ACADM: variants seen among roughly 807,000 people sequenced by gnomAD.
ACADM encodes the protein acyl-CoA dehydrogenase medium chain.
Under a neutral mutation model 58.9 loss-of-function variants are expected in ACADM, and 49 were observed. The observed-to-expected ratio is 0.83, with a 90% CI of 0.66 to 1.06. The LOEUF (loss-of-function observed/expected upper bound fraction) is 1.06, where lower values mean the gene tolerates loss of function less well. Among genes scored for constraint, ACADM ranks in the 50% least tolerant of loss-of-function variants. ACADM has a pLI of 0.00. For missense variants in ACADM, 496 were observed against 507.0 expected, an observed-to-expected ratio of 0.98 and a Z score of 0.21; for synonymous variants, 160 against 157.7, an observed-to-expected ratio of 1.01 and a Z score of -0.11.
At chr1:75,726,234 C>T (rs1365438707) in intron 1 of ACADM, among the ~76,000 whole-genome samples, 2 of 152,000 alleles carry the variant, frequency 1.3e-5, no homozygotes, top group Non-Finnish European at 2.9e-5. Flanking sequence ...GCAGGGAAAC[C>T]CTGTCTTTAC....
chr1:75,735,013 A>G (rs1441595525), intron 6 of ACADM, 142 bp downstream of exon 6: 1 of 721,184 alleles, frequency 1.4e-6, no homozygotes, highest in Non-Finnish European at 2.4e-6. Flanking sequence ...TGATGTGTCA[A>G]GGATGCCAAG....
chr1:75,733,958 G>T (rs1647194051), intron 5 of ACADM, among the ~76,000 whole-genome samples: 1 of 152,064 alleles, frequency 6.6e-6, no homozygotes, highest in African/African-American at 2.4e-5. Context: ...AGCAGGATTG[G>T]GATGGTTTGC....
chr1:75,750,985 C>G, intron 10 of ACADM: 1 of 252,868 alleles, frequency 4.0e-6, no homozygotes, highest in South Asian at 4.9e-5. Context: ...CCCGCCTCAG[C>G]CTCCCATAGT....
At chr1:75,744,370 C>T in intron 7 of ACADM, 1 of 1,572,524 alleles carries the variant, frequency 6.4e-7, no homozygotes, top group South Asian at 1.1e-5. Context: ...CGGAGTGCCT[C>T]CTTCGACTTT....
chr1:75,761,059 C>G, intron 10 of ACADM, 63 bp from the exon 11 acceptor site: 17 of 1,504,072 alleles, frequency 1.1e-5, no homozygotes, highest in Non-Finnish European at 1.5e-5. Flanking sequence ...TGAAAAAGCC[C>G]CAGGAAAAAA....
Position 75,724,763 on chromosome 1 carries a change from C to A in ACADM, c.-25C>A. 1 of 1,531,616 alleles carries A rather than the reference C, an allele frequency of 6.5e-7. No individual in the cohort carries two copies. Among genetic ancestry groups the A allele is most frequent in the South Asian group, 1.2e-5 (1 of 81,272 alleles). The allele number at this position is 1,531,616 out of a possible 1,614,324, so 94.9% of individuals were successfully genotyped here. A position where few individuals can be genotyped will look rare whatever the true frequency, so the allele number is the denominator to read the frequency against. On this transcript the variant is annotated 5_prime_UTR_variant, in exon 1 of 12. Transcript: ENST00000370841. ...AAGGCCGTGACCCGTGTATTATTGT[C>A]CGAGTGGCCGGAACGGGAGCCAACA...
At chr1:75,735,616 T>C (rs190011236) in intron 6 of ACADM, among the ~76,000 whole-genome samples, 4 of 151,126 alleles carry the variant, frequency 2.6e-5, no homozygotes, top group Non-Finnish European at 1.5e-5. Flanking sequence ...ACTTTGAGAG[T>C]CTGAGGCAGG....
intron 10 of ACADM, chr1:75,750,810 A>G (rs1648159481): frequency 5.2e-5 from 25 of 482,456 alleles, no homozygotes; most frequent in Admixed American, 1.0e-4. Context: ...GTGCAGTGGC[A>G]CAATCTCGGT....
intron 2 of ACADM, 141 bp from the exon 3 acceptor site, chr1:75,732,503 G>A (rs1647163745): frequency 9.5e-6 from 7 of 736,148 alleles, no homozygotes; most frequent in Admixed American, 8.4e-5. Flanking sequence ...CTCTTGATTA[G>A]TCAAAAAATG....
At chr1:75,726,699 T>C (rs978566116) in intron 1 of ACADM, among the ~76,000 whole-genome samples, 2 of 152,142 alleles carry the variant, frequency 1.3e-5, no homozygotes, top group Non-Finnish European at 2.9e-5. Context: ...AATCCTAGAC[T>C]TGACCTGGGA....
At chr1:75,729,803 AT>A (rs1475872078) in intron 2 of ACADM, among the ~76,000 whole-genome samples, 1 of 149,418 alleles carries the variant, frequency 6.7e-6, no homozygotes, top group Non-Finnish European at 1.5e-5. Flanking sequence ...CTAAATGAAA[AT>A]TTTTTTTCTT....
rs926780516 is a variant in ACADM, at chr1:75,751,401, T to C, written c.945+855T>C. On this transcript the variant is annotated intron_variant, in intron 10 of 11. Coordinates refer to ENST00000370841, the MANE Select transcript of ACADM (RefSeq NM_000016.6). ...AGTAACCCTTTTTTGGGTGGTGTTA[T>C]CTCTTTTAAGGATCAAGAAACTGAA... 3.3e-5 allele frequency among the ~76,000 whole-genome samples: 5 copies of C among 151,934 alleles called. No individual in the cohort carries two copies. In the East Asian group the frequency reaches 5.8e-4, roughly 18 times the overall value.
In ACADM at chr1:75,724,720, G is replaced by C; in HGVS notation, c.-68G>C. The C allele has an allele frequency of 1.3e-6, 2 of 1,531,034 alleles. No homozygotes were observed. Among genetic ancestry groups the C allele is most frequent in the Non-Finnish European group, 1.8e-6 (2 of 1,134,678 alleles). The allele number at this position is 1,531,034 out of a possible 1,614,324, so 94.8% of individuals were successfully genotyped here. A position where few individuals can be genotyped will look rare whatever the true frequency, so the allele number is the denominator to read the frequency against. ...CAGTGGGCGGGACCAGAGGAGTCCC[G>C]CGTTCGGGGAGTATGTCAAGGCCGT... On this transcript the variant is annotated 5_prime_UTR_variant, in exon 1 of 12. Coordinates refer to ENST00000370841, the MANE Select transcript of ACADM (RefSeq NM_000016.6).
Position 75,732,730 on chromosome 1 carries a change from A to T in ACADM, c.205A>T (p.Lys69Ter), listed in dbSNP as rs770408876. 6.2e-7 allele frequency: 1 copy of T among 1,613,458 alleles called. No individual in the cohort carries two copies. Among genetic ancestry groups the T allele is most frequent in the African/African-American group, 1.3e-5 (1 of 74,926 alleles). ...CATCCCAGTGGCTGCAGAATATGAT[A>T]AAACTGGTGAAGTAGGTATATACAT... ...EIIPVAAEYD[K>*]TGEYPVPLIR... The change falls in exon 3 of 12, where the codon AAA becomes TAA. Residue 69 changes from lysine to a stop codon, truncating the protein, a stop_gained. Coordinates refer to ENST00000370841, the MANE Select transcript of ACADM (RefSeq NM_000016.6). LOFTEE classifies it high-confidence loss of function.
intron 6 of ACADM, 74 bp downstream of exon 6, chr1:75,734,945 A>G (rs904266536): frequency 5.5e-6 from 6 of 1,081,988 alleles, no homozygotes; most frequent in South Asian, 3.9e-5. Context: ...TTTTCAGTCT[A>G]TATGTATATA....
At chr1:75,756,735 AAAG>A (rs1335848248) in intron 10 of ACADM, among the ~76,000 whole-genome samples, 2 of 152,236 alleles carry the variant, frequency 1.3e-5, no homozygotes, top group Non-Finnish European at 2.9e-5. Context: ...TGGAACCAAA[AAAG>A]CCCACATTGC....
At position 75,734,183 on chromosome 1, in the gene ACADM, A is replaced by ATTTTTTTT. The variant is rs1647198640; in HGVS notation, c.387+555_387+556insTTTTTTTT. ...GTATTTTTTTTTTTTTTTTTTTTTGAGACGGAGTCTCACTCTGTTGCCCAG... is the reference window on the plus strand; with the variant it reads ...GTATTTTTTTTTTTTTTTTTTTTTGATTTTTTTTGACGGAGTCTCACTCTGTTGCCCAG... On this transcript the variant is annotated intron_variant, in intron 5 of 11. Coordinates refer to ENST00000370841, the MANE Select transcript of ACADM (RefSeq NM_000016.6). Among the ~76,000 whole-genome samples, 11 of 68,788 alleles carry ATTTTTTTT rather than the reference A, an allele frequency of 1.6e-4. 1 individual carries two copies. The highest frequency in any genetic ancestry group is 5.9e-4 in the African/African-American group (9 of 15,294). 45.1% of individuals were successfully genotyped at this position (68,788 alleles called of 152,430 possible).
intron 10 of ACADM, among the ~76,000 whole-genome samples, chr1:75,758,487 C>A (rs986567582): frequency 3.9e-5 from 6 of 152,192 alleles, no homozygotes; most frequent in African/African-American, 1.4e-4. Flanking sequence ...CCTCTGGAAG[C>A]TCTCCAAACC....
At chr1:75,748,125 A>AGTTATGTC (rs1299625147) in intron 8 of ACADM, among the ~76,000 whole-genome samples, 2 of 152,132 alleles carry the variant, frequency 1.3e-5, no homozygotes, top group East Asian at 3.9e-4. Flanking sequence ...CCTTATTAAG[A>AGTTATGTC]GTTATGTCTG....
Sources: allele counts gnomAD v4.1 joint callset (sites outside exome capture counted in the v4.1 genomes callset), GRCh38; gene constraint gnomAD v4.1.1; transcripts MANE v1.5; gene names NCBI Gene and HGNC (gene_info 2026-07-23, HGNC 2026-07-21).